Variants in GRIN2A observed in about 807,000 individuals in gnomAD.
The protein encoded by GRIN2A is glutamate receptor ionotropic, NMDA 2A.
GRIN2A carries 22 observed loss-of-function variants against 113.4 expected under a neutral mutation model. The observed-to-expected ratio is 0.19, with a 90% CI of 0.14 to 0.28. GRIN2A has a LOEUF of 0.28. Ranked by LOEUF, GRIN2A falls within the 10% of genes least tolerant of loss-of-function variation. The pLI is 1.00. For synonymous variants in GRIN2A, 827 were observed against 738.4 expected (o/e 1.12, Z -1.94); for missense variants, 1,502 against 1,887.0 (o/e 0.80, Z 3.78).
At chr16:9,814,405 C>T (rs185307077) in intron 10 of GRIN2A, among the ~76,000 whole-genome samples, 81 of 152,232 alleles carry the variant, frequency 5.3e-4, no homozygotes, top group Admixed American at 1.1e-3. Context: ...GTACCCAGAT[C>T]GTAGGGGTGT....
chr16:9,804,438 GT>G (rs1368089905), intron 10 of GRIN2A, among the ~76,000 whole-genome samples: 1 of 151,978 alleles, frequency 6.6e-6, no homozygotes, highest in Non-Finnish European at 1.5e-5. Context: ...CTTGGTGCAT[GT>G]TCTCTTCCTT....
At chr16:9,814,586 C>T (rs1182792215) in intron 10 of GRIN2A, among the ~76,000 whole-genome samples, 1 of 152,166 alleles carries the variant, frequency 6.6e-6, no homozygotes, top group Non-Finnish European at 1.5e-5. Context: ...CTCCACCCAT[C>T]CTGCACCCTC....
chr16:10,144,777 C>A (rs1178703519), intron 2 of GRIN2A, among the ~76,000 whole-genome samples: 1 of 151,824 alleles, frequency 6.6e-6, no homozygotes, highest in Non-Finnish European at 1.5e-5. Context: ...AAAAATGAGC[C>A]AGGTGTGGTG....
At chr16:9,993,072 C>A (rs945285189) in intron 2 of GRIN2A, among the ~76,000 whole-genome samples, 3 of 147,626 alleles carry the variant, frequency 2.0e-5, no homozygotes, top group Admixed American at 6.7e-5. Flanking sequence ...AAAAAAAAAC[C>A]CCAAAAAATT....
intron 2 of GRIN2A, among the ~76,000 whole-genome samples, chr16:10,104,867 T>C (rs1434531788): frequency 1.3e-5 from 2 of 151,968 alleles, no homozygotes. Flanking sequence ...GCGCAGAGTG[T>C]AGGAGGAAGA....
intron 4 of GRIN2A, among the ~76,000 whole-genome samples, chr16:9,881,746 C>T (rs965628450): frequency 6.6e-6 from 1 of 152,144 alleles, no homozygotes; most frequent in Non-Finnish European, 1.5e-5. Flanking sequence ...CAGTGCTAGC[C>T]GTGGCCAGAA....
At chr16:9,952,645 C>G (rs1373152843) in intron 2 of GRIN2A, among the ~76,000 whole-genome samples, 1 of 152,042 alleles carries the variant, frequency 6.6e-6, no homozygotes, top group African/African-American at 2.4e-5. Flanking sequence ...TTAATATTTT[C>G]TGTCTGTTCA....
At chr16:10,099,947 G>A (rs550258691) in intron 2 of GRIN2A, among the ~76,000 whole-genome samples, 3 of 126,152 alleles carry the variant, frequency 2.4e-5, no homozygotes, top group East Asian at 4.9e-4. Context: ...AGGGAGGCAG[G>A]AGTTAGTCAA....
chr16:10,122,078 C>T (rs1357581390), intron 2 of GRIN2A, among the ~76,000 whole-genome samples: 5 of 152,080 alleles, frequency 3.3e-5, no homozygotes, highest in African/African-American at 1.2e-4. Context: ...TTATTCAGCG[C>T]CCTTCTGGGC....
chr16:9,759,281 TTTAA>T lies in GRIN2A; in HGVS notation c.*3864_*3867del, dbSNP rs2141116905. ...AAAGGAGATAAATTTTTAATCACCA[TTTAA>T]TTAACATCAACATTTTTTTTCTTTT... On this transcript the variant is annotated 3_prime_UTR_variant, in exon 13 of 13. Coordinates refer to ENST00000330684, the MANE Select transcript of GRIN2A (RefSeq NM_001134407.3). The T allele has an allele frequency of 4.5e-6, 1 of 220,852 alleles. No individual in the cohort carries two copies. Among genetic ancestry groups the T allele is most frequent in the South Asian group, 1.8e-4 (1 of 5,440 alleles). 13.7% of individuals were successfully genotyped at this position (220,852 alleles called of 1,614,324 possible). A position where few individuals can be genotyped will look rare whatever the true frequency, so the allele number is the denominator to read the frequency against.
At chr16:9,917,286 C>G (rs1057372430) in intron 3 of GRIN2A, among the ~76,000 whole-genome samples, 4 of 152,206 alleles carry the variant, frequency 2.6e-5, no homozygotes, top group Non-Finnish European at 5.9e-5. Context: ...ATTCCTTACT[C>G]ATTTTTGTTT....
At position 9,761,474 on chromosome 16, in the gene GRIN2A, A is replaced by G. The variant is rs1900579455; in HGVS notation, c.*1675T>C. ...CTTCTGCAAACACTGATGGCTAGTTATCCCAAATACTTCAAAAATATTCAT... is the reference window on the plus strand; with the variant it reads ...CTTCTGCAAACACTGATGGCTAGTTGTCCCAAATACTTCAAAAATATTCAT... On this transcript the variant is annotated 3_prime_UTR_variant, in exon 13 of 13. Transcript: ENST00000330684. The G allele has an allele frequency of 4.3e-6, 1 of 230,800 alleles. No homozygotes were observed. Among genetic ancestry groups the G allele is most frequent in the African/African-American group, 2.2e-5 (1 of 45,214 alleles). 14.3% of individuals were successfully genotyped at this position (230,800 alleles called of 1,614,324 possible). A position where few individuals can be genotyped will look rare whatever the true frequency, so the allele number is the denominator to read the frequency against.
In GRIN2A at chr16:10,053,596, A is replaced by G. The variant is rs187688650; in HGVS notation, c.415-115045T>C. 5.6e-4 allele frequency among the ~76,000 whole-genome samples: 86 copies of G among 152,302 alleles called. 1 individual carries two copies. The highest frequency in any genetic ancestry group is 3.2e-3 in the Admixed American group (49 of 15,304). On this transcript the variant is annotated intron_variant, in intron 2 of 12. Transcript: ENST00000330684. ...AGTTCATAGGAGTTTTAGGAGGGCA[A>G]ATGTTGCACTAAGGTGGATTGCCCT... is the stretch of plus-strand genomic sequence containing the variant.
rs116325074 is a variant in GRIN2A, at chr16:9,986,298, G to C, written c.415-47747C>G. 4.3e-4 allele frequency among the ~76,000 whole-genome samples: 65 copies of C among 152,220 alleles called. No individual in the cohort carries two copies. The East Asian group carries it at 0.011, about 25-fold the overall frequency. ...TTATGACGTTAGGTGAATAATAAAA[G>C]TGAAAACAAAATGTATATACAAGCC... On this transcript the variant is annotated intron_variant, in intron 2 of 12. Transcript: ENST00000330684.
chr16:9,808,580 G>A (rs1460693520), intron 10 of GRIN2A, among the ~76,000 whole-genome samples: 1 of 152,154 alleles, frequency 6.6e-6, no homozygotes, highest in Non-Finnish European at 1.5e-5. Flanking sequence ...AGGAATTCCA[G>A]GAAATAGGAT....
At chr16:10,172,799 G>A (rs2050069035) in intron 2 of GRIN2A, among the ~76,000 whole-genome samples, 1 of 152,172 alleles carries the variant, frequency 6.6e-6, no homozygotes, top group South Asian at 2.1e-4. Flanking sequence ...TCAAGGATGG[G>A]GGATGCAGGA....
chr16:9,870,662 G>A (rs979396235), intron 4 of GRIN2A, among the ~76,000 whole-genome samples: 7 of 149,796 alleles, frequency 4.7e-5, no homozygotes, highest in Admixed American at 6.6e-5. Context: ...TGTAGAGATG[G>A]AGTCTCGCTC....
chr16:10,145,981 A>G (rs1038399641), intron 2 of GRIN2A, among the ~76,000 whole-genome samples: 1 of 152,234 alleles, frequency 6.6e-6, no homozygotes, highest in African/African-American at 2.4e-5. Flanking sequence ...TCCTCTCTTT[A>G]GAGAAATTAA....
At chr16:9,781,506 G>C (rs1239410452) in intron 11 of GRIN2A, among the ~76,000 whole-genome samples, 1 of 152,102 alleles carries the variant, frequency 6.6e-6, no homozygotes, top group African/African-American at 2.4e-5. Flanking sequence ...GACCACAGGT[G>C]CATGCCACTA....
Sources: gnomAD v4.1 joint callset for allele counts (sites outside exome capture counted in the v4.1 genomes callset) on GRCh38, gnomAD v4.1.1 for gene constraint, MANE v1.5 for transcripts, NCBI Gene and HGNC (gene_info 2026-07-23, HGNC 2026-07-21) for gene names.